The following LRRC4C variants were observed in gnomAD, a reference collection of about 807,000 sequenced individuals.
LRRC4C encodes the protein leucine rich repeat containing 4C, also known as leucine-rich repeat-containing protein 4C.
Under a neutral mutation model 33.6 loss-of-function variants are expected in LRRC4C, and 5 were observed. The ratio of observed to expected loss-of-function variants is 0.15; its 90% CI spans 0.08 to 0.31. The LOEUF is 0.31. Among genes scored for constraint, LRRC4C ranks in the 10% least tolerant of loss-of-function variants. The pLI is 1.00. For missense variants in LRRC4C, 560 were observed against 796.7 expected (o/e 0.70, Z 3.58); for synonymous variants, 329 against 302.0 (o/e 1.09, Z -0.93).
At chr11:41,064,529 T>C (rs1363233943) in intron 1 of LRRC4C, among the ~76,000 whole-genome samples, 3 of 152,230 alleles carry the variant, frequency 2.0e-5, no homozygotes, top group African/African-American at 4.8e-5. Context: ...TATAGTACTA[T>C]AGAGGTGCCT....
At chr11:41,435,263 A>T (rs1955386718) in intron 1 of LRRC4C, among the ~76,000 whole-genome samples, 1 of 152,236 alleles carries the variant, frequency 6.6e-6, no homozygotes, top group African/African-American at 2.4e-5. Flanking sequence ...TCATGTTAGA[A>T]CAATATTAGA....
intron 2 of LRRC4C, among the ~76,000 whole-genome samples, chr11:40,903,348 G>A (rs1454287999): frequency 6.6e-6 from 1 of 152,206 alleles, no homozygotes; most frequent in Non-Finnish European, 1.5e-5. Context: ...GATTGAAAAT[G>A]CTCCTATTCA....
chr11:40,600,872 C>T (rs903304743), intron 3 of LRRC4C, among the ~76,000 whole-genome samples: 1 of 12,366 alleles, frequency 8.1e-5, no homozygotes, highest in South Asian at 0.05. Context: ...CCTGTTTATA[C>T]ATATCCCCAT....
At chr11:41,058,853 T>C (rs1326772378) in intron 1 of LRRC4C, among the ~76,000 whole-genome samples, 2 of 152,190 alleles carry the variant, frequency 1.3e-5, no homozygotes, top group African/African-American at 4.8e-5. Context: ...ATGGTGATTA[T>C]ACACCATCGA....
intron 1 of LRRC4C, among the ~76,000 whole-genome samples, chr11:41,328,635 G>A (rs1376377546): frequency 6.6e-6 from 1 of 151,940 alleles, no homozygotes; most frequent in Admixed American, 6.5e-5. Flanking sequence ...ATAGCCATCT[G>A]TAGAACTCCC....
In LRRC4C at chr11:41,058,610, G is replaced by A. The variant is rs554696962; in HGVS notation, c.-495-124887C>T. ...CCCAAATATCCTGTAACACTGATGG[G>A]AATGTGTACTATTTCAGCTGCTGTG... is the stretch of plus-strand genomic sequence containing the variant. On this transcript the variant is annotated intron_variant, in intron 1 of 6. Transcript: ENST00000528697. 2.0e-5 allele frequency among the ~76,000 whole-genome samples: 3 copies of A among 152,354 alleles called. No homozygotes were observed. In the South Asian group the frequency reaches 6.2e-4, roughly 32 times the overall value.
chr11:40,786,203 A>G (rs1445822558), intron 2 of LRRC4C, among the ~76,000 whole-genome samples: 1 of 152,138 alleles, frequency 6.6e-6, no homozygotes, highest in Non-Finnish European at 1.5e-5. Context: ...TCAAATTTTT[A>G]TATACATTTA....
intron 1 of LRRC4C, among the ~76,000 whole-genome samples, chr11:41,349,003 T>C (rs1951888801): frequency 6.6e-6 from 1 of 152,188 alleles, no homozygotes; most frequent in African/African-American, 2.4e-5. Context: ...CATATTCTTC[T>C]AGTTGGCTTT....
At chr11:40,854,179 T>C (rs1166011007) in intron 2 of LRRC4C, among the ~76,000 whole-genome samples, 1 of 152,102 alleles carries the variant, frequency 6.6e-6, no homozygotes, top group African/African-American at 2.4e-5. Flanking sequence ...CCAAGAAGCA[T>C]AGCATTTTGA....
At chr11:41,065,508 A>G (rs1938163154) in intron 1 of LRRC4C, among the ~76,000 whole-genome samples, 1 of 152,142 alleles carries the variant, frequency 6.6e-6, no homozygotes, top group Admixed American at 6.5e-5. Context: ...ACGGGCTCTG[A>G]AGAGAGTGGC....
chr11:40,565,307 G>GA (rs1470314855), intron 3 of LRRC4C, among the ~76,000 whole-genome samples: 2 of 152,016 alleles, frequency 1.3e-5, no homozygotes, highest in Admixed American at 6.6e-5. Flanking sequence ...CTCCCTTCAT[G>GA]AAAAAAATAA....
chr11:41,226,628 C>T (rs1947547695), intron 1 of LRRC4C, among the ~76,000 whole-genome samples: 1 of 151,986 alleles, frequency 6.6e-6, no homozygotes, highest in Non-Finnish European at 1.5e-5. Flanking sequence ...TCCAACTCCT[C>T]CTGTCTTTTC....
chr11:40,730,203 G>A (rs1947491234), intron 2 of LRRC4C, among the ~76,000 whole-genome samples: 1 of 152,006 alleles, frequency 6.6e-6, no homozygotes, highest in African/African-American at 2.4e-5. Context: ...GTATACATAT[G>A]TAACTAACCT....
intron 3 of LRRC4C, among the ~76,000 whole-genome samples, chr11:40,389,566 T>C (rs1269988494): frequency 6.6e-6 from 1 of 152,166 alleles, no homozygotes; most frequent in Non-Finnish European, 1.5e-5. Context: ...GTCCAAGCTT[T>C]CACCTTGTAA....
intron 5 of LRRC4C, among the ~76,000 whole-genome samples, chr11:40,151,526 G>C (rs1032045509): frequency 6.6e-5 from 10 of 152,130 alleles, no homozygotes; most frequent in African/African-American, 2.2e-4. Context: ...ATAATTTCAA[G>C]TCAAGTATAA....
chr11:41,373,274 ATATTTT>A (rs1450975313), intron 1 of LRRC4C, among the ~76,000 whole-genome samples: 2 of 152,144 alleles, frequency 1.3e-5, no homozygotes, highest in African/African-American at 4.8e-5. Flanking sequence ...ATTTGGCCCA[ATATTTT>A]TAAAATAACT....
chr11:40,672,924 A>G (rs1944203881), intron 2 of LRRC4C, among the ~76,000 whole-genome samples: 1 of 152,100 alleles, frequency 6.6e-6, no homozygotes, highest in Non-Finnish European at 1.5e-5. Context: ...CCCTCACTTC[A>G]TATTTGAACC....
At chr11:41,112,056 A>G (rs1016366810) in intron 1 of LRRC4C, among the ~76,000 whole-genome samples, 23 of 151,970 alleles carry the variant, frequency 1.5e-4, no homozygotes, top group Admixed American at 6.6e-5. Context: ...ATATCCAATG[A>G]CCCTTCAAAA....
chr11:41,396,546 A>T lies in LRRC4C; in HGVS notation c.-496+62885T>A, dbSNP rs749755635. Among the ~76,000 whole-genome samples the T allele has an allele frequency of 2.0e-5, 3 of 152,044 alleles. No homozygotes were observed. In the East Asian group the frequency reaches 5.8e-4, roughly 29 times the overall value. ...ATTCTCTTAATTTGCTTCACTTAAA[A>T]TAATCACTAATAACAATGAGAAACA... On this transcript the variant is annotated intron_variant, in intron 1 of 6. Coordinates refer to ENST00000528697, the MANE Select transcript of LRRC4C (RefSeq NM_001258419.2).
Sources: allele counts gnomAD v4.1 joint callset (sites outside exome capture counted in the v4.1 genomes callset), GRCh38; gene constraint gnomAD v4.1.1; transcripts MANE v1.5; gene names NCBI Gene and HGNC (gene_info 2026-07-23, HGNC 2026-07-21).